MRPL3: variants seen among roughly 807,000 people sequenced by gnomAD.
MRPL3 encodes mitochondrial ribosomal protein L3.
Under a neutral mutation model 44.3 loss-of-function variants are expected in MRPL3, and 43 were observed. The observed-to-expected ratio is 0.97, with a 90% CI of 0.76 to 1.25. MRPL3 has a LOEUF of 1.25. Among genes scored for constraint, MRPL3 ranks in the 50% most tolerant of loss-of-function variants. The pLI is 0.00. For missense variants in MRPL3, 406 were observed against 427.6 expected (o/e 0.95, Z 0.45); for synonymous variants, 171 against 152.3 (o/e 1.12, Z -0.91).
chr3:131,500,651 C>CA, intron 2 of MRPL3, 130 bp from the exon 3 acceptor site: 1 of 697,482 alleles, frequency 1.4e-6, no homozygotes, highest in Non-Finnish European at 2.5e-6. Context: ...AATATATTCA[C>CA]AGAGTAAAGT....
chr3:131,479,208 G>A (rs754579028), intron 6 of MRPL3: 1 of 518,346 alleles, frequency 1.9e-6, no homozygotes, highest in Non-Finnish European at 3.8e-6. Flanking sequence ...CATGAGCACA[G>A]TCAGGCAAGG....
chr3:131,499,738 A>AATG (rs1198958523), intron 3 of MRPL3, among the ~76,000 whole-genome samples: 6 of 151,706 alleles, frequency 4.0e-5, no homozygotes, highest in African/African-American at 1.5e-4. Context: ...CTATAATAAT[A>AATG]ATAATAATAA....
rs1340694417 is a variant in MRPL3, at chr3:131,501,576, A to G, written c.232T>C (p.Cys78Arg). 6.2e-7 allele frequency: 1 copy of G among 1,612,190 alleles called. No individual in the cohort carries two copies. Among genetic ancestry groups the G allele is most frequent in the Non-Finnish European group, 8.5e-7 (1 of 1,179,954 alleles). ...GGCCATGGTTCATCTTTCAGAGGAC[A>G]CAGTTTACTTGCTAATTGGGCTTTA... ...EDKAQLASKL[C>R]PLKDEPWPIH... Residue 78 changes from cysteine (C) to arginine (R), a missense_variant, in exon 2 of 10, where the codon TGT becomes CGT. Cys to Arg is a radical substitution (Grantham distance 180, BLOSUM62 -3). Transcript: ENST00000264995.
At chr3:131,498,701 CAAAA>C (rs71133698) in intron 3 of MRPL3, among the ~76,000 whole-genome samples, 5 of 81,480 alleles carry the variant, frequency 6.1e-5, no homozygotes, top group Admixed American at 1.5e-4. Context: ...GACTCCGTCT[CAAAA>C]AAAAAAAAAA....
chr3:131,498,380 T>C (rs1934416044), intron 3 of MRPL3, 103 bp from the exon 4 acceptor site: 1 of 647,966 alleles, frequency 1.5e-6, no homozygotes, highest in Admixed American at 3.1e-5. Flanking sequence ...TTCCCTACAG[T>C]TACTTACCTC....
intron 3 of MRPL3, among the ~76,000 whole-genome samples, chr3:131,500,192 T>G (rs1934462644): frequency 6.6e-6 from 1 of 151,764 alleles, no homozygotes; most frequent in Admixed American, 6.6e-5. Context: ...AGGTTATACT[T>G]AAAAAAAAAT....
chr3:131,473,956 G>A (rs919800838), intron 6 of MRPL3, among the ~76,000 whole-genome samples: 1 of 152,116 alleles, frequency 6.6e-6, no homozygotes, highest in Non-Finnish European at 1.5e-5. Context: ...ACTGTTAGTG[G>A]GGATATAAAT....
chr3:131,472,420 C>A lies in MRPL3; in HGVS notation c.630-1141G>T, dbSNP rs1044154984. On this transcript the variant is annotated intron_variant, in intron 6 of 9. Coordinates refer to ENST00000264995, the MANE Select transcript of MRPL3 (RefSeq NM_007208.4). ...GCTAAAGAATTATTAAAGTTTGTTT[C>A]TGAAATGCTCACTAAATTAGGTATA... 2.0e-5 allele frequency among the ~76,000 whole-genome samples: 3 copies of A among 152,080 alleles called. No homozygotes were observed. In the East Asian group the frequency reaches 5.8e-4, roughly 29 times the overall value.
intron 6 of MRPL3, among the ~76,000 whole-genome samples, chr3:131,476,650 T>C (rs1276133871): frequency 6.6e-6 from 1 of 152,112 alleles, no homozygotes; most frequent in Non-Finnish European, 1.5e-5. Context: ...TAAGAAGACA[T>C]AAAAGATGTA....
chr3:131,466,168 G>A (rs1260870541), intron 9 of MRPL3, among the ~76,000 whole-genome samples: 1 of 151,382 alleles, frequency 6.6e-6, no homozygotes, highest in African/African-American at 2.4e-5. Context: ...TTCCTTGCAA[G>A]ATTTCAAAAA....
At chr3:131,477,805 A>G (rs1933889014) in intron 6 of MRPL3, among the ~76,000 whole-genome samples, 1 of 152,216 alleles carries the variant, frequency 6.6e-6, no homozygotes, top group Non-Finnish European at 1.5e-5. Context: ...ATCGGTGTTT[A>G]GATTTCTATA....
Position 131,468,083 on chromosome 3 carries a change from A to G in MRPL3, c.894+8T>C. ...AAAAGGAAAAAAAAAGAAGACACTT[A>G]TACTTACCTTTACTAAGCAATTTTT... On this transcript the variant is annotated splice_region_variant and intron_variant, in intron 9 of 9. Transcript: ENST00000264995. 1 of 1,487,918 alleles carries G rather than the reference A, an allele frequency of 6.7e-7. No homozygotes were observed. Among genetic ancestry groups the G allele is most frequent in the Non-Finnish European group, 9.1e-7 (1 of 1,098,532 alleles). 92.2% of individuals were successfully genotyped at this position (1,487,918 alleles called of 1,614,324 possible). A position where few individuals can be genotyped will look rare whatever the true frequency, so the allele number is the denominator to read the frequency against.
intron 6 of MRPL3, among the ~76,000 whole-genome samples, chr3:131,482,791 T>C (rs1338609492): frequency 6.6e-6 from 1 of 151,746 alleles, no homozygotes; most frequent in Admixed American, 6.6e-5. Flanking sequence ...AGAAGGAAAA[T>C]TACTTCAGGT....
At chr3:131,494,198 C>G (rs1329204158) in intron 4 of MRPL3, among the ~76,000 whole-genome samples, 1 of 152,204 alleles carries the variant, frequency 6.6e-6, no homozygotes, top group Non-Finnish European at 1.5e-5. Flanking sequence ...CACAAGAGTT[C>G]TCTCAAGAAG....
intron 1 of MRPL3, chr3:131,501,974 A>G: frequency 1.4e-6 from 2 of 1,440,080 alleles, no homozygotes; most frequent in Non-Finnish European, 1.9e-6. Context: ...ATTCCCCAAA[A>G]AACAGTCCTA....
At chr3:131,479,036 C>CT in intron 6 of MRPL3, 2 of 440,290 alleles carry the variant, frequency 4.5e-6, no homozygotes, top group South Asian at 1.7e-5. Context: ...AATCCATACT[C>CT]TAAGTAGAGG....
intron 2 of MRPL3, among the ~76,000 whole-genome samples, chr3:131,501,151 A>G (rs1934489917): frequency 6.6e-6 from 1 of 152,228 alleles, no homozygotes; most frequent in Non-Finnish European, 1.5e-5. Context: ...TCCAGGGGTT[A>G]TGCTTCCCAA....
intron 6 of MRPL3, among the ~76,000 whole-genome samples, chr3:131,486,601 C>T (rs368414019): frequency 3.0e-4 from 45 of 151,848 alleles, no homozygotes; most frequent in Middle Eastern, 6.8e-3. Flanking sequence ...ACAAAGAACT[C>T]AAACAAATTT....
chr3:131,500,281 T>C (rs1443195204), intron 3 of MRPL3, 149 bp downstream of exon 3: 10 of 600,830 alleles, frequency 1.7e-5, no homozygotes, highest in Non-Finnish European at 2.3e-5. Context: ...GAAACCACCA[T>C]AAGTTCTTTA....
Sources: gnomAD v4.1 joint callset for allele counts (sites outside exome capture counted in the v4.1 genomes callset) on GRCh38, gnomAD v4.1.1 for gene constraint, MANE v1.5 for transcripts, NCBI Gene and HGNC (gene_info 2026-07-23, HGNC 2026-07-21) for gene names.